TNR: variants seen among roughly 807,000 people sequenced by gnomAD.
TNR encodes tenascin R, also known as tenascin-R.
TNR carries 45 observed loss-of-function variants against 150.4 expected under a neutral mutation model. That is an observed-to-expected ratio of 0.30 (90% CI 0.24 to 0.38). The LOEUF (loss-of-function observed/expected upper bound fraction) is 0.38. Ranked by LOEUF, TNR falls within the 10% of genes least tolerant of loss-of-function variation. The probability of loss-of-function intolerance (pLI) is 1.00; values close to 1 mark genes in which losing one functional copy is unlikely to be tolerated. For missense variants in TNR, 1,544 were observed against 1,759.1 expected (o/e 0.88, Z 2.19); for synonymous variants, 687 against 678.4 (o/e 1.01, Z -0.20).
At chr1:175,584,340 C>T (rs1662482585) in intron 1 of TNR, among the ~76,000 whole-genome samples, 1 of 152,102 alleles carries the variant, frequency 6.6e-6, no homozygotes, top group South Asian at 2.1e-4. Flanking sequence ...CAAGGAATGA[C>T]AAGAATTGCA....
rs376740987 is a variant in TNR at position 175,355,583 on chromosome 1, C to A, written c.3169G>T (p.Ala1057Ser). The A allele has an allele frequency of 4.3e-6, 7 of 1,613,946 alleles. No homozygotes were observed. The highest frequency in any genetic ancestry group is 5.9e-6 in the Non-Finnish European group (7 of 1,179,924). ...LTASEVTRQS[A>S]LISWQPPRAE... ...CTGGGAGGCTGCCAGGAGATCAGGG[C>A]ACTTTGTCTGGTGACTTCACTGGCT... The change falls in exon 17 of 23, where the codon GCC (alanine) becomes TCC (serine). Residue 1057 changes from alanine to serine, a missense_variant. Ala to Ser is a moderately conservative substitution (Grantham distance 99). Coordinates refer to ENST00000367674, the MANE Select transcript of TNR (RefSeq NM_003285.3).
chr1:175,569,053 A>G (rs1661760431), intron 1 of TNR, among the ~76,000 whole-genome samples: 1 of 151,978 alleles, frequency 6.6e-6, no homozygotes, highest in Non-Finnish European at 1.5e-5. Flanking sequence ...GCCGGGAAGG[A>G]GAGGAAACAC....
At chr1:175,438,326 C>A (rs1288534697) in intron 2 of TNR, among the ~76,000 whole-genome samples, 1 of 152,194 alleles carries the variant, frequency 6.6e-6, no homozygotes, top group Non-Finnish European at 1.5e-5. Context: ...CAAAATTCAA[C>A]AACCCTTCGT....
At chr1:175,710,611 C>G (rs12096861) in intron 1 of TNR, among the ~76,000 whole-genome samples, 5,374 of 152,128 alleles carry the variant, frequency 0.035, 302 homozygotes, top group African/African-American at 0.12. Flanking sequence ...CACCAGTTAC[C>G]CAGCCCTATC....
In TNR at chr1:175,322,596, A is replaced by T. The variant is rs1347047981; in HGVS notation, c.*761T>A. On this transcript the variant is annotated 3_prime_UTR_variant, in exon 23 of 23. Coordinates refer to ENST00000367674, the MANE Select transcript of TNR (RefSeq NM_003285.3). ...AGTTTGTGACCAGCCTGGACAACAC[A>T]GTGAGACCCCCATCTCTACAAAAAA... is the stretch of plus-strand genomic sequence containing the variant. 1.3e-5 allele frequency: 2 copies of T among 152,268 alleles called. No homozygotes were observed. Among genetic ancestry groups the T allele is most frequent in the South Asian group, 2.1e-4 (1 of 4,834 alleles). The allele number at this position is 152,268 out of a possible 1,614,324, so 9.4% of individuals were successfully genotyped here.
intron 1 of TNR, among the ~76,000 whole-genome samples, chr1:175,567,086 G>A (rs910943499): frequency 6.6e-6 from 1 of 152,116 alleles, no homozygotes; most frequent in African/African-American, 2.4e-5. Flanking sequence ...AGATCTTTAA[G>A]ACACCTACAG....
At chr1:175,663,965 C>T (rs957287295) in intron 1 of TNR, among the ~76,000 whole-genome samples, 1 of 152,148 alleles carries the variant, frequency 6.6e-6, no homozygotes, top group East Asian at 1.9e-4. Flanking sequence ...AGCTCACCAG[C>T]ATTTAGAACT....
chr1:175,579,119 T>TCTCC (rs1571631737), intron 1 of TNR, among the ~76,000 whole-genome samples: 1 of 150,892 alleles, frequency 6.6e-6, no homozygotes, highest in Non-Finnish European at 1.5e-5. Flanking sequence ...GTCCTCCCTC[T>TCTCC]CTCCCTCCCT....
rs76982444 is a variant in TNR at position 175,461,140 on chromosome 1, G to A, written c.-63-54363C>T. 3.6e-3 allele frequency among the ~76,000 whole-genome samples: 542 copies of A among 152,308 alleles called. 4 individuals are homozygous for A. Among genetic ancestry groups the A allele is most frequent in the African/African-American group, 0.012 (506 of 41,558 alleles). ...TCCCTTCCTGGTCCCAGATGGATGGGTGAAACAACCTGGAAACCCCAGGAA... is the reference window on the plus strand; with the variant it reads ...TCCCTTCCTGGTCCCAGATGGATGGATGAAACAACCTGGAAACCCCAGGAA... On this transcript the variant is annotated intron_variant, in intron 2 of 22. Coordinates refer to ENST00000367674, the MANE Select transcript of TNR (RefSeq NM_003285.3).
chr1:175,687,662 T>C (rs1558073509), intron 1 of TNR, among the ~76,000 whole-genome samples: 1 of 152,072 alleles, frequency 6.6e-6, no homozygotes, highest in East Asian at 1.9e-4. Context: ...CCCATGTGCC[T>C]TCTTTTCTTT....
At chr1:175,622,501 T>C (rs1292877635) in intron 1 of TNR, among the ~76,000 whole-genome samples, 1 of 152,210 alleles carries the variant, frequency 6.6e-6, no homozygotes, top group African/African-American at 2.4e-5. Flanking sequence ...TTGTATATAC[T>C]GTTTCCTTTC....
At chr1:175,402,313 CAA>C (rs149037374) in intron 4 of TNR, among the ~76,000 whole-genome samples, 3 of 41,688 alleles carry the variant, frequency 7.2e-5, no homozygotes, top group Non-Finnish European at 1.2e-4. Context: ...GACTCCGTCT[CAA>C]AAAAAAAAAA....
intron 1 of TNR, among the ~76,000 whole-genome samples, chr1:175,548,715 C>A (rs1660818292): frequency 3.3e-5 from 5 of 151,158 alleles, no homozygotes; most frequent in Non-Finnish European, 7.4e-5. Flanking sequence ...TGGGGAGCAC[C>A]CGACAGTGAA....
intron 2 of TNR, among the ~76,000 whole-genome samples, chr1:175,423,073 C>T (rs1282295970): frequency 1.3e-5 from 2 of 152,090 alleles, no homozygotes; most frequent in Non-Finnish European, 2.9e-5. Context: ...GTGACTGCTC[C>T]AAGTTTCAAT....
chr1:175,735,699 A>C (rs990200405), intron 1 of TNR, among the ~76,000 whole-genome samples: 1 of 152,328 alleles, frequency 6.6e-6, no homozygotes, highest in Non-Finnish European at 1.5e-5. Flanking sequence ...CTTCTTATGG[A>C]AAACAAAATT....
intron 2 of TNR, among the ~76,000 whole-genome samples, chr1:175,521,655 TTTTTCC>T (rs879872397): frequency 9.9e-5 from 15 of 152,160 alleles, no homozygotes; most frequent in Non-Finnish European, 2.2e-4. Context: ...TGTTCTTACT[TTTTTCC>T]TCTTACTTTT....
chr1:175,713,666 C>A (rs1255831362), intron 1 of TNR, among the ~76,000 whole-genome samples: 2 of 152,144 alleles, frequency 1.3e-5, no homozygotes, highest in South Asian at 2.1e-4. Flanking sequence ...GCCACCAAAC[C>A]AGCTGCTGCA....
chr1:175,575,743 G>A (rs948040698), intron 1 of TNR, among the ~76,000 whole-genome samples: 8 of 152,178 alleles, frequency 5.3e-5, no homozygotes, highest in Admixed American at 2.6e-4. Flanking sequence ...GAGAGAGCCC[G>A]CACCACAGTG....
chr1:175,624,128 A>G (rs1173597789), intron 1 of TNR, among the ~76,000 whole-genome samples: 1 of 152,172 alleles, frequency 6.6e-6, no homozygotes, highest in East Asian at 1.9e-4. Flanking sequence ...ATTCATAGAA[A>G]ATCTTCCCTC....
Sources: gnomAD v4.1 joint callset for allele counts (sites outside exome capture counted in the v4.1 genomes callset) on GRCh38, gnomAD v4.1.1 for gene constraint, MANE v1.5 for transcripts, NCBI Gene and HGNC (gene_info 2026-07-23, HGNC 2026-07-21) for gene names.